CSMD1: variants seen among roughly 807,000 people sequenced by gnomAD.
CSMD1 encodes the protein CUB and Sushi multiple domains 1.
In CSMD1, 213 loss-of-function variants were observed where a neutral mutation model predicts 417.5. The observed-to-expected ratio is 0.51, with a 90% CI of 0.46 to 0.57. The LOEUF (loss-of-function observed/expected upper bound fraction) is 0.57. Among genes scored for constraint, CSMD1 ranks in the 20% least tolerant of loss-of-function variants. CSMD1 has a pLI of 0.00. For missense variants in CSMD1, 6,923 were observed against 4,529.7 expected (o/e 1.53, Z -15.17); for synonymous variants, 2,862 against 1,736.8 (o/e 1.65, Z -16.11).
chr8:4,244,581 A>T (rs918473802), intron 3 of CSMD1, among the ~76,000 whole-genome samples: 3 of 152,002 alleles, frequency 2.0e-5, no homozygotes, highest in Admixed American at 6.6e-5. Context: ...CGTAAATATC[A>T]ACTATTGTAG....
At chr8:3,356,481 C>G (rs565553635) in intron 21 of CSMD1, among the ~76,000 whole-genome samples, 14 of 152,272 alleles carry the variant, frequency 9.2e-5, no homozygotes, top group African/African-American at 3.4e-4. Context: ...CCGAGACCAG[C>G]CTGGTCAACA....
At chr8:4,843,038 G>T (rs1800930768) in intron 1 of CSMD1, among the ~76,000 whole-genome samples, 1 of 152,160 alleles carries the variant, frequency 6.6e-6, no homozygotes, top group African/African-American at 2.4e-5. Flanking sequence ...ACTGAGTGAA[G>T]TCAAAATAAG....
At chr8:4,351,469 G>A (rs1393112055) in intron 3 of CSMD1, among the ~76,000 whole-genome samples, 2 of 152,204 alleles carry the variant, frequency 1.3e-5, no homozygotes, top group East Asian at 1.9e-4. Flanking sequence ...GAGTTCCATA[G>A]CTATTACTGT....
intron 26 of CSMD1, among the ~76,000 whole-genome samples, chr8:3,272,747 T>C (rs1015354427): frequency 4.0e-5 from 6 of 148,462 alleles, no homozygotes; most frequent in African/African-American, 1.5e-4. Flanking sequence ...GTTGTTGGTG[T>C]ATAAGAATGC....
chr8:3,643,026 A>G (rs2117327277), intron 7 of CSMD1, among the ~76,000 whole-genome samples: 1 of 152,248 alleles, frequency 6.6e-6, no homozygotes, highest in South Asian at 2.1e-4. Context: ...TTCAAAATGC[A>G]GCACAGAGGA....
intron 2 of CSMD1, among the ~76,000 whole-genome samples, chr8:4,426,429 ATATAC>A (rs1328646948): frequency 1.3e-5 from 2 of 148,862 alleles, no homozygotes; most frequent in Non-Finnish European, 3.0e-5. Context: ...TATCATAAAC[ATATAC>A]TATATAGAGC....
rs1801632759 is a variant in CSMD1 at position 2,938,296 on chromosome 8, G to A, written c.*289C>T. On this transcript the variant is annotated 3_prime_UTR_variant, in exon 70 of 70. Transcript: ENST00000635120. ...TATGAAAGTCTGAGGCATTGAGTAT[G>A]ACGTGTTGGCGCGACGTGGCAGTCT... 1 of 336,134 alleles carries A rather than the reference G, an allele frequency of 3.0e-6. No homozygotes were observed. The highest frequency in any genetic ancestry group is 4.6e-5 in the Admixed American group (1 of 21,540). The allele number at this position is 336,134 out of a possible 1,614,324, so 20.8% of individuals were successfully genotyped here. A position where few individuals can be genotyped will look rare whatever the true frequency, so the allele number is the denominator to read the frequency against.
intron 5 of CSMD1, among the ~76,000 whole-genome samples, chr8:3,881,910 A>T (rs1478774823): frequency 6.6e-6 from 1 of 152,172 alleles, no homozygotes; most frequent in African/African-American, 2.4e-5. Context: ...CATACAGAAA[A>T]AGTTACCTGG....
At chr8:3,865,694 A>G (rs141832420) in intron 5 of CSMD1, among the ~76,000 whole-genome samples, 1,654 of 152,282 alleles carry the variant, frequency 0.011, 11 homozygotes, top group Middle Eastern at 0.017. Context: ...CTAGGTTCCA[A>G]CGGAGCAGTA....
chr8:4,508,489 T>A (rs141802657), intron 2 of CSMD1, among the ~76,000 whole-genome samples: 1 of 152,326 alleles, frequency 6.6e-6, no homozygotes, highest in African/African-American at 2.4e-5. Flanking sequence ...TTTAGTAGTA[T>A]TTTCTTTCTT....
At chr8:3,531,332 C>A (rs1797971700) in intron 10 of CSMD1, among the ~76,000 whole-genome samples, 1 of 152,062 alleles carries the variant, frequency 6.6e-6, no homozygotes. Flanking sequence ...TAACTAAAAT[C>A]TTTTTTAGCC....
At chr8:3,092,012 A>T (rs1814980886) in intron 47 of CSMD1, among the ~76,000 whole-genome samples, 1 of 152,192 alleles carries the variant, frequency 6.6e-6, no homozygotes, top group Non-Finnish European at 1.5e-5. Context: ...TTCATGTAAT[A>T]CTAGTGGAAG....
intron 26 of CSMD1, among the ~76,000 whole-genome samples, chr8:3,235,032 G>C (rs1410747205): frequency 6.6e-6 from 1 of 152,104 alleles, no homozygotes; most frequent in African/African-American, 2.4e-5. Context: ...CAAGCAAGTG[G>C]TGACATGTAT....
intron 37 of CSMD1, among the ~76,000 whole-genome samples, chr8:3,177,249 G>C (rs1008281571): frequency 1.6e-4 from 24 of 152,270 alleles, no homozygotes; most frequent in African/African-American, 5.8e-4. Context: ...AGACGCATGG[G>C]GAGTGTGCCC....
intron 18 of CSMD1, among the ~76,000 whole-genome samples, chr8:3,371,617 G>T (rs918355134): frequency 2.6e-5 from 4 of 151,978 alleles, no homozygotes; most frequent in African/African-American, 9.7e-5. Context: ...TCTGAATTAT[G>T]TTTTATAAAA....
chr8:4,796,397 G>A (rs1293552132), intron 1 of CSMD1, among the ~76,000 whole-genome samples: 1 of 151,880 alleles, frequency 6.6e-6, no homozygotes, highest in African/African-American at 2.4e-5. Flanking sequence ...CCTGTCTAAG[G>A]GCATTTACTT....
chr8:3,551,436 A>G (rs185394462), intron 10 of CSMD1, among the ~76,000 whole-genome samples: 7 of 152,222 alleles, frequency 4.6e-5, no homozygotes, highest in Non-Finnish European at 7.4e-5. Context: ...ACTAATCTGC[A>G]CACTGACAGC....
At chr8:3,312,627 C>T (rs1015717584) in intron 23 of CSMD1, among the ~76,000 whole-genome samples, 2 of 152,162 alleles carry the variant, frequency 1.3e-5, no homozygotes, top group Non-Finnish European at 2.9e-5. Context: ...GCATTGGAAT[C>T]ACAGCCATCA....
chr8:4,083,905 A>G lies in CSMD1; in HGVS notation c.416-51806T>C, dbSNP rs142800274. Among the ~76,000 whole-genome samples the G allele has an allele frequency of 2.5e-3, 385 of 152,326 alleles. 2 individuals carry two copies. Among genetic ancestry groups the G allele is most frequent in the East Asian group, 0.022 (114 of 5,184 alleles). ...AAACTACCACCAGAGTGAACAGGCG[A>G]CTTACAAAATGAGAGAAAACTTTCG... On this transcript the variant is annotated intron_variant, in intron 3 of 69. Transcript: ENST00000635120.
Sources: allele counts gnomAD v4.1 joint callset (sites outside exome capture counted in the v4.1 genomes callset), GRCh38; gene constraint gnomAD v4.1.1; transcripts MANE v1.5; gene names NCBI Gene and HGNC (gene_info 2026-07-23, HGNC 2026-07-21).